The following MCIDAS variants were observed in gnomAD, a reference collection of about 807,000 sequenced individuals.
MCIDAS encodes the protein multiciliate differentiation and DNA synthesis associated cell cycle protein.
In MCIDAS, 23 loss-of-function variants were observed where a neutral mutation model predicts 35.4. That is an observed-to-expected ratio of 0.65 (90% CI 0.47 to 0.92). The LOEUF is 0.92. Among genes scored for constraint, MCIDAS ranks in the 40% least tolerant of loss-of-function variants. The pLI is 0.00. For missense variants in MCIDAS, 480 were observed against 531.8 expected (o/e 0.90, Z 0.96); for synonymous variants, 228 against 235.2 (o/e 0.97, Z 0.28).
chr5:55,220,863 A>G, intron 6 of MCIDAS, 57 bp from the exon 7 acceptor site: 1 of 1,489,306 alleles, frequency 6.7e-7, no homozygotes, highest in Non-Finnish European at 8.9e-7. Context: ...CCGGGTTCGG[A>G]GCGTGCAAAA....
chr5:55,221,197 CA>C, intron 5 of MCIDAS, 71 bp from the exon 6 acceptor site: 1 of 1,082,264 alleles, frequency 9.2e-7, no homozygotes, highest in Non-Finnish European at 1.3e-6. Context: ...TGGCATGAAT[CA>C]AACCCAGATC....
At chr5:55,224,137 G>A (rs917341287) in intron 3 of MCIDAS, among the ~76,000 whole-genome samples, 5 of 151,908 alleles carry the variant, frequency 3.3e-5, no homozygotes, top group Admixed American at 6.6e-5. Flanking sequence ...GTGGAATAGG[G>A]CCTCCTGCCT....
rs1055283977 is a variant in MCIDAS, at chr5:55,222,913, C to T, written c.382+38G>A. The T allele has an allele frequency of 7.2e-6, 11 of 1,520,584 alleles. No individual in the cohort carries two copies. The East Asian group carries it at 2.7e-4, about 37-fold the overall frequency. 94.2% of individuals were successfully genotyped at this position (1,520,584 alleles called of 1,614,324 possible). A position where few individuals can be genotyped will look rare whatever the true frequency, so the allele number is the denominator to read the frequency against. ...TAGTCTGATTTGGGAGTGGGGGACA[C>T]CCCCGCTGTTATTTAACTGCCAGGA... On this transcript the variant is annotated intron_variant, in intron 4 of 6. Coordinates refer to ENST00000513312, the MANE Select transcript of MCIDAS (RefSeq NM_001190787.3).
chr5:55,221,353 C>T (rs902073909), intron 5 of MCIDAS, among the ~76,000 whole-genome samples: 2 of 151,988 alleles, frequency 1.3e-5, no homozygotes, highest in African/African-American at 2.4e-5. Flanking sequence ...AGAGTACTGA[C>T]TTGGGCAACA....
intron 5 of MCIDAS, 99 bp downstream of exon 5, chr5:55,222,077 G>A (rs759418961): frequency 2.6e-6 from 3 of 1,153,740 alleles, no homozygotes; most frequent in Non-Finnish European, 2.5e-6. Context: ...CACTGGTTCC[G>A]ACTCACAGGA....
At chr5:55,224,146 C>T (rs931659728) in intron 3 of MCIDAS, among the ~76,000 whole-genome samples, 2 of 152,016 alleles carry the variant, frequency 1.3e-5, no homozygotes, top group Admixed American at 1.3e-4. Flanking sequence ...GGCCTCCTGC[C>T]TCCATACTTC....
chr5:55,226,017 G>A (rs910462896), intron 3 of MCIDAS, among the ~76,000 whole-genome samples: 1 of 152,192 alleles, frequency 6.6e-6, no homozygotes, highest in Non-Finnish European at 1.5e-5. Context: ...CCCAATTGCT[G>A]AAGGACTGTC....
Position 55,220,698 on chromosome 5 carries a change from C to G in MCIDAS, c.826G>C (p.Asp276His), listed in dbSNP as rs1377575032. ...AGGATGGCGTCCACTTCCGCGCAAT[C>G]CTGCCCCGCAGCGCTGACCAACTCC... Reference protein sequence around the residue: ...LEELVSAAGQDCAEVDAILRE... With the variant: ...LEELVSAAGQHCAEVDAILRE... Residue 276 changes from aspartate (D) to histidine (H), a missense_variant, in exon 7 of 7, where the codon GAT becomes CAT. Coordinates refer to ENST00000513312, the MANE Select transcript of MCIDAS (RefSeq NM_001190787.3). The G allele has an allele frequency of 1.3e-6, 2 of 1,535,928 alleles. No homozygotes were observed. Among genetic ancestry groups the G allele is most frequent in the Admixed American group, 2.0e-5 (1 of 50,976 alleles).
chr5:55,220,342 T>C lies in MCIDAS; in HGVS notation c.*24A>G. ...GCACTTCAGTGGAAACACAGGGCAGTGTTTTGGGGGACCACATCACAGCTC... is the reference window on the plus strand; with the variant it reads ...GCACTTCAGTGGAAACACAGGGCAGCGTTTTGGGGGACCACATCACAGCTC... On this transcript the variant is annotated 3_prime_UTR_variant, in exon 7 of 7. Transcript: ENST00000513312. The C allele has an allele frequency of 6.6e-7, 1 of 1,515,704 alleles. No homozygotes were observed. The highest frequency in any genetic ancestry group is 8.8e-7 in the Non-Finnish European group (1 of 1,132,370). The allele number at this position is 1,515,704 out of a possible 1,614,324, so 93.9% of individuals were successfully genotyped here.
At chr5:55,222,884 G>A in intron 4 of MCIDAS, 67 bp downstream of exon 4, 1 of 1,383,732 alleles carries the variant, frequency 7.2e-7, no homozygotes, top group Non-Finnish European at 9.9e-7. Context: ...CACGAAATCT[G>A]AACTAGTCTG....
intron 3 of MCIDAS, among the ~76,000 whole-genome samples, chr5:55,225,069 C>A (rs1187721173): frequency 6.6e-6 from 1 of 152,022 alleles, no homozygotes; most frequent in African/African-American, 2.4e-5. Context: ...ACTAGCTGGC[C>A]GTGGTGTGTG....
chr5:55,222,842 T>G, intron 4 of MCIDAS, 109 bp downstream of exon 4: 4 of 903,678 alleles, frequency 4.4e-6, no homozygotes, highest in South Asian at 1.5e-5. Flanking sequence ...GGAGAGTCGT[T>G]GACAGTTGGC....
At position 55,224,177 on chromosome 5, in the gene MCIDAS, CT is replaced by C. The variant is rs556266111; in HGVS notation, c.310-1155del. On this transcript the variant is annotated intron_variant, in intron 3 of 6. Transcript: ENST00000513312. ...ACTTCATTTCCTCTAGCTTTTCTCT[CT>C]TTTTAGGAAAGCTGGCTTCCACCGA... Among the ~76,000 whole-genome samples the C allele has an allele frequency of 2.2e-4, 33 of 152,048 alleles. No homozygotes were observed. In the South Asian group the frequency reaches 6.9e-3, roughly 32 times the overall value.
rs540019843 is a variant in MCIDAS, at chr5:55,221,924, C to CA, written c.606+251dup. Among the ~76,000 whole-genome samples, 792 of 139,838 alleles carry CA rather than the reference C, an allele frequency of 5.7e-3. 9 individuals carry two copies. The highest frequency in any genetic ancestry group is 0.017 in the African/African-American group (661 of 37,904). The allele number at this position is 139,838 out of a possible 152,430, so 91.7% of individuals were successfully genotyped here. ...TGGGCGACAGAGCGAGACTCCGTCT[C>CA]AAAAAAAAAATGAATAAATAAATAA... On this transcript the variant is annotated intron_variant, in intron 5 of 6. Transcript: ENST00000513312.
intron 2 of MCIDAS, 24 bp from the exon 3 acceptor site, chr5:55,226,691 C>A (rs1271891816): frequency 2.0e-6 from 3 of 1,467,698 alleles, no homozygotes; most frequent in African/African-American, 1.4e-5. Flanking sequence ...CCGGGAGACA[C>A]GCGCCGGGCG....
In MCIDAS at chr5:55,222,390, G is replaced by A. The variant is rs1443646263; in HGVS notation, c.392C>T (p.Ser131Phe). 5.3e-6 allele frequency: 8 copies of A among 1,507,736 alleles called. No individual in the cohort carries two copies. Among genetic ancestry groups the A allele is most frequent in the Non-Finnish European group, 7.1e-6 (8 of 1,130,382 alleles). 93.4% of individuals were successfully genotyped at this position (1,507,736 alleles called of 1,614,324 possible). Residue 131 changes from serine to phenylalanine, a missense_variant, in exon 5 of 7, where the codon TCT (serine) becomes TTT (phenylalanine). By Grantham distance (155) the Ser-to-Phe change is radical. Transcript: ENST00000513312. ...GCTGGCCAGGGTAGGCGACATCATA[G>A]AGGATGAGTCTGGAGAAGAGCAGGA... The part of the protein sequence containing the change: ...TVDDLISDSS[S>F]MMSPTLASGD...
chr5:55,222,338 G>A lies in MCIDAS; in HGVS notation c.444C>T (p.Asp148=), dbSNP rs1468784260. The change falls in exon 5 of 7, where the codon GAC becomes GAT. Residue 148 remains aspartate, a synonymous_variant. Coordinates refer to ENST00000513312, the MANE Select transcript of MCIDAS (RefSeq NM_001190787.3). ...AGAGGCAGGGCCCGAATGGTGATAT[G>A]TCGCAAGGAGAGAAGGGGAAGTCTC... ...ASGDFPFSPC[D]ISPFGPCLSP... The A allele has an allele frequency of 2.6e-6, 4 of 1,534,192 alleles. No homozygotes were observed. The highest frequency in any genetic ancestry group is 3.5e-6 in the Non-Finnish European group (4 of 1,145,580).
chr5:55,226,652 T>A lies in MCIDAS; in HGVS notation c.233A>T (p.Asp78Val). 1 of 1,528,536 alleles carries A rather than the reference T, an allele frequency of 6.5e-7. No individual in the cohort carries two copies. Among genetic ancestry groups the A allele is most frequent in the Non-Finnish European group, 8.7e-7 (1 of 1,143,570 alleles). The allele number at this position is 1,528,536 out of a possible 1,614,324, so 94.7% of individuals were successfully genotyped here. The change falls in exon 3 of 7, where the codon GAC (aspartate) becomes GTC (valine). Residue 78 changes from aspartate (D) to valine (V), a missense_variant. Coordinates refer to ENST00000513312, the MANE Select transcript of MCIDAS (RefSeq NM_001190787.3). ...PTALPALTTI[D>V]LQDLADCSSL... ...AGAGCAGTCAGCGAGGTCCTGCAGG[T>A]CTATGGTGGTGAGGGCTGCGCGGGG...
Position 55,223,096 on chromosome 5 carries a change from C to A in MCIDAS, c.310-73G>T. On this transcript the variant is annotated intron_variant, in intron 3 of 6. Transcript: ENST00000513312. The surrounding 1 kb of genome is among the most constrained non-coding windows in gnomAD (Gnocchi z 4.4). ...AAGCCTTCAATAAATATTGGCGTCC[C>A]TGTTAAAAATCTGGCAGGCACTATG... The A allele has an allele frequency of 7.7e-7, 1 of 1,295,376 alleles. No homozygotes were observed. The highest frequency in any genetic ancestry group is 1.3e-5 in the South Asian group (1 of 78,640). 80.2% of individuals were successfully genotyped at this position (1,295,376 alleles called of 1,614,324 possible).
Sources: gnomAD v4.1 joint callset for allele counts (sites outside exome capture counted in the v4.1 genomes callset) on GRCh38, gnomAD v4.1.1 for gene constraint, Gnocchi (gnomAD v3.1) non-coding constraint, MANE v1.5 for transcripts, NCBI Gene and HGNC (gene_info 2026-07-23, HGNC 2026-07-21) for gene names.